Variants in GRPEL2 observed in about 807,000 individuals in gnomAD.
GRPEL2 encodes grpE protein homolog 2, mitochondrial.
A neutral mutation model predicts 25.9 loss-of-function variants in GRPEL2; 18 were observed. The observed-to-expected ratio is 0.70, with a 90% CI of 0.48 to 1.03. GRPEL2 has a LOEUF of 1.03. Ranked by LOEUF, GRPEL2 falls within the 50% of genes least tolerant of loss-of-function variation. The pLI, the probability that GRPEL2 is intolerant of heterozygous loss-of-function variation, is 0.00. For synonymous variants in GRPEL2, 106 were observed against 107.9 expected (o/e 0.98, Z 0.11); for missense variants, 247 against 276.2 (o/e 0.89, Z 0.75).
At position 149,348,402 on chromosome 5, in the gene GRPEL2, GAGAA is replaced by G; in HGVS notation, c.213_216del (p.Glu72SerfsTer4). Reference sequence around the variant, plus strand: ...CTTAAGGGTAAAAGCTGTTAAACTGGAGAAAGAAGTCCAAGATTTAACAGTGAGT... The same window carrying G: ...CTTAAGGGTAAAAGCTGTTAAACTGGAGAAGTCCAAGATTTAACAGTGAGT... On this transcript the variant is annotated frameshift_variant, in exon 2 of 4. Transcript: ENST00000329271. LOFTEE classifies it high-confidence loss of function. 1 of 1,609,406 alleles carries G rather than the reference GAGAA, an allele frequency of 6.2e-7. No individual in the cohort carries two copies. The highest frequency in any genetic ancestry group is 8.5e-7 in the Non-Finnish European group (1 of 1,178,614).
intron 2 of GRPEL2, 68 bp from the exon 3 acceptor site, chr5:149,349,586 C>CA (rs751328383): frequency 1.7e-6 from 2 of 1,157,762 alleles, no homozygotes; most frequent in Non-Finnish European, 2.5e-6. Context: ...GTAAAGTAAG[C>CA]AAAAACATTC....
At chr5:149,347,713 C>T (rs1007314420) in intron 1 of GRPEL2, among the ~76,000 whole-genome samples, 1 of 152,210 alleles carries the variant, frequency 6.6e-6, no homozygotes, top group African/African-American at 2.4e-5. Flanking sequence ...TCTTTCTCAG[C>T]ACAGGTCTCC....
At chr5:149,348,201 C>A in intron 1 of GRPEL2, 71 bp from the exon 2 acceptor site, 1 of 1,389,628 alleles carries the variant, frequency 7.2e-7, no homozygotes, top group Non-Finnish European at 9.8e-7. Context: ...GATCTCTGGT[C>A]TCTAAACTTG....
intron 3 of GRPEL2, among the ~76,000 whole-genome samples, chr5:149,350,493 T>C (rs2127610067): frequency 6.6e-6 from 1 of 152,252 alleles, no homozygotes; most frequent in Middle Eastern, 3.4e-3. Context: ...TTAGTGCCCT[T>C]CTCGTGAAAT....
chr5:149,345,732 G>C, intron 1 of GRPEL2, 116 bp downstream of exon 1: 2 of 832,924 alleles, frequency 2.4e-6, no homozygotes, highest in Non-Finnish European at 3.8e-6. Context: ...AGGGGACCAA[G>C]CTTCTCGGCC....
In GRPEL2 at chr5:149,351,212, A is replaced by G; in HGVS notation, c.608A>G (p.Tyr203Cys). ...GTVALVRQDG[Y>C]KLHGRTIRLA... Reference sequence around the variant, plus strand: ...GTGGCATTAGTAAGACAAGATGGCTACAAACTTCATGGCCGCACCATTAGG... The same window carrying G: ...GTGGCATTAGTAAGACAAGATGGCTGCAAACTTCATGGCCGCACCATTAGG... Residue 203 changes from tyrosine (Y) to cysteine (C), a missense_variant, in exon 4 of 4, where the codon TAC becomes TGC. Tyr to Cys is a radical substitution (Grantham distance 194, BLOSUM62 -2). Around this residue, in one of 2 missense-constraint regions of GRPEL2, gnomAD observed 122 missense variants for 169.2 expected, o/e 0.72. Coordinates refer to ENST00000329271, the MANE Select transcript of GRPEL2 (RefSeq NM_152407.4). The G allele has an allele frequency of 3.1e-6, 5 of 1,614,180 alleles. No individual in the cohort carries two copies. Among genetic ancestry groups the G allele is most frequent in the Non-Finnish European group, 4.2e-6 (5 of 1,180,030 alleles).
chr5:149,349,403 C>T (rs1757742638), intron 2 of GRPEL2, among the ~76,000 whole-genome samples: 1 of 152,170 alleles, frequency 6.6e-6, no homozygotes, highest in South Asian at 2.1e-4. Flanking sequence ...AAAGCTTTTC[C>T]TCAAGATAAT....
In GRPEL2 at chr5:149,349,543, G is replaced by A. The variant is rs1561695008; in HGVS notation, c.232-111G>A. On this transcript the variant is annotated intron_variant, in intron 2 of 3. Coordinates refer to ENST00000329271, the MANE Select transcript of GRPEL2 (RefSeq NM_152407.4). ...CTAAGATTTCTGTAACTCCTAGTTT[G>A]TTTTATAAAAACCTATCAAAAGGGT... 1.6e-5 allele frequency: 12 copies of A among 752,424 alleles called. No individual in the cohort carries two copies. In the South Asian group the frequency reaches 2.1e-4, roughly 13 times the overall value. The allele number at this position is 752,424 out of a possible 1,614,324, so 46.6% of individuals were successfully genotyped here. A position where few individuals can be genotyped will look rare whatever the true frequency, so the allele number is the denominator to read the frequency against.
In GRPEL2 at chr5:149,351,189, G is replaced by A. The variant is rs1182294082; in HGVS notation, c.585G>A (p.Val195=). ...GTGTTGGGGTGCAGCCTGGCACCGT[G>A]GCATTAGTAAGACAAGATGGCTACA... ...PAGVGVQPGT[V]ALVRQDGYKL... The change falls in exon 4 of 4, where the codon GTG becomes GTA. Residue 195 remains valine (V), a synonymous_variant. Transcript: ENST00000329271. The A allele has an allele frequency of 6.2e-7, 1 of 1,614,120 alleles. No homozygotes were observed. Among genetic ancestry groups the A allele is most frequent in the Non-Finnish European group, 8.5e-7 (1 of 1,180,024 alleles).
chr5:149,347,153 GTC>G (rs1385985853), intron 1 of GRPEL2, among the ~76,000 whole-genome samples: 1 of 152,202 alleles, frequency 6.6e-6, no homozygotes, highest in African/African-American at 2.4e-5. Context: ...ATGTGGAACT[GTC>G]TATAAAATCA....
At chr5:149,349,942 G>T in intron 3 of GRPEL2, 1 of 559,652 alleles carries the variant, frequency 1.8e-6, no homozygotes, top group South Asian at 2.3e-5. Flanking sequence ...TACTCTGGAG[G>T]CTGAGGCACG....
intron 2 of GRPEL2, among the ~76,000 whole-genome samples, chr5:149,348,704 C>T (rs1002050635): frequency 1.3e-5 from 2 of 152,058 alleles, no homozygotes; most frequent in African/African-American, 4.8e-5. Context: ...GTGTACAGTG[C>T]CTGGAATATA....
chr5:149,348,596 T>C (rs1238192204), intron 2 of GRPEL2, among the ~76,000 whole-genome samples, 171 bp downstream of exon 2: 1 of 152,208 alleles, frequency 6.6e-6, no homozygotes, highest in Admixed American at 6.5e-5. Context: ...AAAACTGTAG[T>C]AGTTGAAAAA....
At chr5:149,349,907 G>C in intron 3 of GRPEL2, 172 bp downstream of exon 3, 1 of 587,620 alleles carries the variant, frequency 1.7e-6, no homozygotes, top group Non-Finnish European at 3.0e-6. Flanking sequence ...AGCTAGGCAT[G>C]GTGGCAGGCG....
Position 149,351,042 on chromosome 5 carries a change from G to C in GRPEL2, c.438G>C (p.Gly146=). The C allele has an allele frequency of 1.2e-6, 2 of 1,614,254 alleles. No individual in the cohort carries two copies. The highest frequency in any genetic ancestry group is 1.7e-6 in the Non-Finnish European group (2 of 1,180,046). Residue 146 remains glycine, a synonymous_variant, in exon 4 of 4, where the codon GGG becomes GGC. Transcript: ENST00000329271. The stretch of plus-strand genomic sequence containing the variant: ...TCACTCTGGAGAAGGTCTTCCGAGG[G>C]TTGTTGCTTTTAGAAGCAAAGCTGA... ...QKLTLEKVFR[G]LLLLEAKLKS... is the part of the protein sequence containing the mutation.
At position 149,351,090 on chromosome 5, in the gene GRPEL2, C is replaced by T; in HGVS notation, c.486C>T (p.Gly162=). Residue 162 remains glycine, a synonymous_variant, in exon 4 of 4, where the codon GGC becomes GGT. Transcript: ENST00000329271. ...AKLKSVFAKH[G]LEKLTPIGDK... ...TGAAAAGTGTGTTTGCCAAGCATGG[C>T]CTGGAGAAACTGACACCCATTGGTG... 2 of 1,614,160 alleles carry T rather than the reference C, an allele frequency of 1.2e-6. No homozygotes were observed. The highest frequency in any genetic ancestry group is 8.5e-7 in the Non-Finnish European group (1 of 1,180,016).
intron 3 of GRPEL2, 37 bp downstream of exon 3, chr5:149,349,772 G>C: frequency 6.8e-7 from 1 of 1,465,602 alleles, no homozygotes; most frequent in Non-Finnish European, 9.5e-7. Context: ...GTCTTTGGTT[G>C]GGCACAGTGG....
intron 3 of GRPEL2, chr5:149,349,960 C>G: frequency 1.8e-6 from 1 of 548,596 alleles, no homozygotes; most frequent in Non-Finnish European, 3.2e-6. Flanking sequence ...ACGAGAATCA[C>G]TTGAACCCAG....
rs1214124233 is a variant in GRPEL2, at chr5:149,349,690, A to G, written c.268A>G (p.Ile90Val). 3 of 1,613,722 alleles carry G rather than the reference A, an allele frequency of 1.9e-6. No individual in the cohort carries two copies. The highest frequency in any genetic ancestry group is 1.7e-6 in the Non-Finnish European group (2 of 1,179,636). The stretch of plus-strand genomic sequence containing the variant: ...GAGAGCTATAGCTGATTGTGAAAAC[A>G]TAAGGAGGCGAACCCAGAGATGTGT... ...YQRAIADCEN[I>V]RRRTQRCVED... The change falls in exon 3 of 4, where the codon ATA (isoleucine) becomes GTA (valine). Residue 90 changes from isoleucine (I) to valine (V), a missense_variant. By Grantham distance (29) the Ile-to-Val change is conservative (BLOSUM62 3). Around this residue, in one of 2 missense-constraint regions of GRPEL2, gnomAD observed 122 missense variants for 169.2 expected, o/e 0.72. Coordinates refer to ENST00000329271, the MANE Select transcript of GRPEL2 (RefSeq NM_152407.4).
Sources: gnomAD v4.1 joint callset for allele counts (sites outside exome capture counted in the v4.1 genomes callset) on GRCh38, gnomAD v4.1.1 for gene constraint, gnomAD v4.1.1 regional missense constraint, MANE v1.5 for transcripts, NCBI Gene and HGNC (gene_info 2026-07-23, HGNC 2026-07-21) for gene names.